The following NTRK2 variants were observed in gnomAD, a reference collection of about 807,000 sequenced individuals.
NTRK2 encodes the protein BDNF/NT-3 growth factors receptor.
Under a neutral mutation model 94.5 loss-of-function variants are expected in NTRK2, and 13 were observed. That is an observed-to-expected ratio of 0.14 (90% confidence interval 0.09 to 0.22). The LOEUF (loss-of-function observed/expected upper bound fraction) is 0.22. Among genes scored for constraint, NTRK2 ranks in the 10% least tolerant of loss-of-function variants. The pLI, the probability that NTRK2 is intolerant of heterozygous loss-of-function variation, is 1.00. For missense variants in NTRK2, 639 were observed against 1,071.2 expected, an observed-to-expected ratio of 0.60 and a Z score of 5.63; for synonymous variants, 372 against 407.4, an observed-to-expected ratio of 0.91 and a Z score of 1.05.
rs1218055846 is a variant in NTRK2 at position 84,811,237 on chromosome 9, C to T, written c.1397-49803C>T. 4.7e-6 allele frequency: 5 copies of T among 1,063,462 alleles called. No individual in the cohort carries two copies. The East Asian group carries it at 2.5e-4, about 54-fold the overall frequency. The allele number at this position is 1,063,462 out of a possible 1,614,324, so 65.9% of individuals were successfully genotyped here. A position where few individuals can be genotyped will look rare whatever the true frequency, so the allele number is the denominator to read the frequency against. ...AAATGTTTAGCTTAGGTCTGAGAGT[C>T]AAACAATGTTAAGGATTGTCTTAAA... On this transcript the variant is annotated intron_variant, in intron 12 of 18. Coordinates refer to ENST00000277120, the MANE Select transcript of NTRK2 (RefSeq NM_006180.6).
intron 12 of NTRK2, among the ~76,000 whole-genome samples, chr9:84,783,348 A>G (rs1564264571): frequency 1.3e-5 from 2 of 152,232 alleles, no homozygotes; most frequent in African/African-American, 2.4e-5. Flanking sequence ...AGGGTTACCC[A>G]GCTTGATCAC....
At chr9:84,752,669 C>T (rs925979817) in intron 12 of NTRK2, among the ~76,000 whole-genome samples, 1 of 152,038 alleles carries the variant, frequency 6.6e-6, no homozygotes, top group Non-Finnish European at 1.5e-5. Context: ...CTAATTGACC[C>T]AAAATAGATA....
chr9:84,930,701 G>T (rs943533218), intron 14 of NTRK2, among the ~76,000 whole-genome samples: 1 of 152,164 alleles, frequency 6.6e-6, no homozygotes, highest in African/African-American at 2.4e-5. Context: ...GTGTCCAGGG[G>T]AGCTGAAGGG....
At chr9:84,828,800 C>CA (rs1225392266) in intron 12 of NTRK2, among the ~76,000 whole-genome samples, 1 of 152,078 alleles carries the variant, frequency 6.6e-6, no homozygotes, top group Admixed American at 6.5e-5. Context: ...ATTGAAAAGT[C>CA]AAAGCCGATT....
chr9:84,857,169 A>G lies in NTRK2; in HGVS notation c.1397-3871A>G, dbSNP rs374177435. 1.3e-3 allele frequency among the ~76,000 whole-genome samples: 198 copies of G among 151,880 alleles called. 2 individuals are homozygous for G. The highest frequency in any genetic ancestry group is 3.4e-3 in the African/African-American group (142 of 41,388). On this transcript the variant is annotated intron_variant, in intron 12 of 18. Transcript: ENST00000277120. ...ATCTTAGAGTTGTTAATGTGTTTAC[A>G]TGCTATTTTTTCCTACATTCCTTCT...
intron 14 of NTRK2, among the ~76,000 whole-genome samples, chr9:84,928,232 T>G (rs2077891278): frequency 6.6e-6 from 1 of 152,248 alleles, no homozygotes. Context: ...AATTTGTTTT[T>G]ATAAGGTGGA....
intron 12 of NTRK2, among the ~76,000 whole-genome samples, chr9:84,832,923 T>C (rs2073649749): frequency 6.6e-6 from 1 of 152,220 alleles, no homozygotes; most frequent in African/African-American, 2.4e-5. Context: ...CCCCCGCACC[T>C]GGATAGATTG....
intron 17 of NTRK2, among the ~76,000 whole-genome samples, chr9:85,014,931 G>A (rs568073455): frequency 1.1e-4 from 16 of 152,156 alleles, no homozygotes; most frequent in Admixed American, 1.3e-4. Flanking sequence ...TTTAAAAACC[G>A]GATCCATTTT....
At chr9:84,778,132 G>A (rs929883277) in intron 12 of NTRK2, among the ~76,000 whole-genome samples, 6 of 152,174 alleles carry the variant, frequency 3.9e-5, no homozygotes, top group South Asian at 4.1e-4. Flanking sequence ...GAGTGGTGGC[G>A]GGCACCTGTC....
chr9:84,960,759 AG>A lies in NTRK2; in HGVS notation c.2172+5243del, dbSNP rs1244827921. ...CATACAAAGAGGCATCACAGCATAC[AG>A]TACCTTGCATCAAGGAAACTGGCTC... On this transcript the variant is annotated intron_variant, in intron 17 of 18. Coordinates refer to ENST00000277120, the MANE Select transcript of NTRK2 (RefSeq NM_006180.6). Among the ~76,000 whole-genome samples, 3 of 152,244 alleles carry A rather than the reference AG, an allele frequency of 2.0e-5. No homozygotes were observed. In the South Asian group the frequency reaches 6.2e-4, roughly 31 times the overall value.
chr9:84,794,563 A>G (rs1280724334), intron 12 of NTRK2, among the ~76,000 whole-genome samples: 1 of 152,242 alleles, frequency 6.6e-6, no homozygotes, highest in East Asian at 1.9e-4. Flanking sequence ...TATGGAAATA[A>G]AATACACTTT....
At chr9:84,807,381 C>T (rs1280372031) in intron 12 of NTRK2, among the ~76,000 whole-genome samples, 1 of 152,156 alleles carries the variant, frequency 6.6e-6, no homozygotes, top group East Asian at 1.9e-4. Flanking sequence ...GAGTTTCAGG[C>T]CACATCCAGT....
At chr9:84,822,916 C>T (rs2072943218) in intron 12 of NTRK2, among the ~76,000 whole-genome samples, 2 of 152,146 alleles carry the variant, frequency 1.3e-5, no homozygotes, top group Admixed American at 6.5e-5. Flanking sequence ...ATCTGAGCTC[C>T]ACTTAACAGA....
chr9:84,798,818 C>T (rs2069968591), intron 12 of NTRK2, among the ~76,000 whole-genome samples: 1 of 151,234 alleles, frequency 6.6e-6, no homozygotes. Flanking sequence ...AAGCATTTGC[C>T]ACTTCAAGGA....
intron 12 of NTRK2, among the ~76,000 whole-genome samples, chr9:84,858,879 A>G (rs2075196513): frequency 6.6e-6 from 1 of 152,226 alleles, no homozygotes. Flanking sequence ...AGAATGAAAA[A>G]AAAACCCACT....
chr9:84,874,095 G>A (rs1040124632), intron 14 of NTRK2: 1 of 1,064,638 alleles, frequency 9.4e-7, no homozygotes, highest in Non-Finnish European at 1.1e-6. Context: ...AGCCTGACTG[G>A]AGTGTGTGTA....
At chr9:84,953,997 G>A (rs1823792730) in intron 16 of NTRK2, among the ~76,000 whole-genome samples, 1 of 152,222 alleles carries the variant, frequency 6.6e-6, no homozygotes, top group African/African-American at 2.4e-5. Flanking sequence ...TGAATAGTTG[G>A]GGGAAGGAGG....
At chr9:84,958,285 A>T (rs1275605561) in intron 17 of NTRK2, among the ~76,000 whole-genome samples, 1 of 152,244 alleles carries the variant, frequency 6.6e-6, no homozygotes, top group Non-Finnish European at 1.5e-5. Flanking sequence ...AAAGAGCATG[A>T]AAAGGAAAAT....
intron 17 of NTRK2, among the ~76,000 whole-genome samples, chr9:84,986,559 C>A (rs1828333932): frequency 6.6e-6 from 1 of 152,214 alleles, no homozygotes; most frequent in Admixed American, 6.5e-5. Flanking sequence ...GGACCAGTAC[C>A]AGTCCATGGC....
Sources: allele counts gnomAD v4.1 joint callset (sites outside exome capture counted in the v4.1 genomes callset), GRCh38; gene constraint gnomAD v4.1.1; transcripts MANE v1.5; gene names NCBI Gene and HGNC (gene_info 2026-07-23, HGNC 2026-07-21).